The following CACNA2D3 variants were observed in gnomAD, a reference collection of about 807,000 sequenced individuals.
The protein encoded by CACNA2D3 is calcium voltage-gated channel auxiliary subunit alpha2delta 3.
CACNA2D3 carries 60 observed loss-of-function variants against 160.6 expected under a neutral mutation model. The ratio of observed to expected loss-of-function variants is 0.37; its 90% CI spans 0.30 to 0.46. CACNA2D3 has a LOEUF of 0.46. CACNA2D3 is among the 20% of genes least tolerant of loss of function. The pLI, the probability that CACNA2D3 is intolerant of heterozygous loss-of-function variation, is 1.00. For missense variants in CACNA2D3, 1,205 were observed against 1,365.0 expected, an observed-to-expected ratio of 0.88 and a Z score of 1.85; for synonymous variants, 558 against 492.9, an observed-to-expected ratio of 1.13 and a Z score of -1.75.
intron 2 of CACNA2D3, among the ~76,000 whole-genome samples, chr3:54,199,363 A>G (rs1315740050): frequency 6.6e-6 from 1 of 151,810 alleles, no homozygotes; most frequent in Non-Finnish European, 1.5e-5. Flanking sequence ...CTCTTTTTAA[A>G]AATTTTATTT....
At chr3:54,229,512 T>C (rs1701732703) in intron 2 of CACNA2D3, among the ~76,000 whole-genome samples, 1 of 152,058 alleles carries the variant, frequency 6.6e-6, no homozygotes, top group Non-Finnish European at 1.5e-5. Flanking sequence ...ATTTTTTATT[T>C]TTAGTAGAGA....
At chr3:54,717,475 C>G (rs1207894910) in intron 11 of CACNA2D3, among the ~76,000 whole-genome samples, 1 of 152,010 alleles carries the variant, frequency 6.6e-6, no homozygotes, top group Non-Finnish European at 1.5e-5. Flanking sequence ...CCCAAATGTT[C>G]TTAATTTTCA....
chr3:54,483,726 C>T (rs1339876862), intron 4 of CACNA2D3, among the ~76,000 whole-genome samples: 1 of 152,098 alleles, frequency 6.6e-6, no homozygotes, highest in Non-Finnish European at 1.5e-5. Context: ...GTTGCAAAAC[C>T]CATAAGGAAT....
At chr3:54,551,501 A>G (rs943800137) in intron 5 of CACNA2D3, among the ~76,000 whole-genome samples, 33 of 152,180 alleles carry the variant, frequency 2.2e-4, no homozygotes, top group African/African-American at 7.7e-4. Context: ...AAAGGGAACA[A>G]TCAGACGATG....
intron 3 of CACNA2D3, among the ~76,000 whole-genome samples, chr3:54,339,430 G>A (rs990677183): frequency 1.3e-5 from 2 of 151,936 alleles, no homozygotes; most frequent in Non-Finnish European, 2.9e-5. Context: ...CCGCTGTTAC[G>A]CTATCATTTT....
chr3:54,454,043 A>G (rs1210462036), intron 4 of CACNA2D3, among the ~76,000 whole-genome samples: 1 of 152,152 alleles, frequency 6.6e-6, no homozygotes, highest in African/African-American at 2.4e-5. Flanking sequence ...CTAATTTGTT[A>G]GGTGGAAAGG....
At chr3:54,808,868 G>C (rs1295947018) in intron 13 of CACNA2D3, among the ~76,000 whole-genome samples, 2 of 152,118 alleles carry the variant, frequency 1.3e-5, no homozygotes, top group East Asian at 3.9e-4. Context: ...CATGAGGTTG[G>C]TGATTACTGT....
chr3:54,473,586 G>T (rs1377549400), intron 4 of CACNA2D3, among the ~76,000 whole-genome samples: 1 of 152,130 alleles, frequency 6.6e-6, no homozygotes, highest in Admixed American at 6.6e-5. Flanking sequence ...TACCATCAGA[G>T]TGAACAGGCA....
At chr3:54,711,736 AAT>A (rs1235387804) in intron 11 of CACNA2D3, among the ~76,000 whole-genome samples, 1 of 152,220 alleles carries the variant, frequency 6.6e-6, no homozygotes, top group African/African-American at 2.4e-5. Context: ...AAAAAGGAGA[AAT>A]AGGGATGATG....
At chr3:54,156,039 T>C (rs1014782264) in intron 2 of CACNA2D3, among the ~76,000 whole-genome samples, 1 of 152,220 alleles carries the variant, frequency 6.6e-6, no homozygotes, top group Admixed American at 6.5e-5. Context: ...GCCTGGTTTA[T>C]GTGCAAATGT....
At chr3:54,271,291 A>G (rs1000247129) in intron 2 of CACNA2D3, among the ~76,000 whole-genome samples, 13 of 151,890 alleles carry the variant, frequency 8.6e-5, no homozygotes, top group Admixed American at 5.9e-4. Context: ...CCTTCCGCTC[A>G]CAGACCTTGC....
At chr3:54,824,754 C>T (rs1006105505) in intron 14 of CACNA2D3, among the ~76,000 whole-genome samples, 13 of 152,114 alleles carry the variant, frequency 8.5e-5, no homozygotes, top group Admixed American at 2.6e-4. Flanking sequence ...CTGCTCAGGG[C>T]CCATCCACGC....
chr3:55,026,061 G>T (rs1266410090), intron 35 of CACNA2D3, among the ~76,000 whole-genome samples: 3 of 152,018 alleles, frequency 2.0e-5, no homozygotes, highest in Non-Finnish European at 4.4e-5. Context: ...CAGCACCCTG[G>T]TTAGGAAGTG....
At chr3:54,388,089 G>T (rs1699220129) in intron 4 of CACNA2D3, among the ~76,000 whole-genome samples, 1 of 152,164 alleles carries the variant, frequency 6.6e-6, no homozygotes, top group African/African-American at 2.4e-5. Context: ...TATACTCGGG[G>T]TTAAGTGAAA....
intron 2 of CACNA2D3, among the ~76,000 whole-genome samples, chr3:54,130,880 G>A (rs1241417992): frequency 6.6e-6 from 1 of 152,182 alleles, no homozygotes; most frequent in Admixed American, 6.5e-5. Flanking sequence ...GAGTCAGATG[G>A]GCTTGGATTT....
intron 13 of CACNA2D3, among the ~76,000 whole-genome samples, chr3:54,789,225 C>T (rs934735670): frequency 5.9e-5 from 9 of 152,188 alleles, no homozygotes; most frequent in African/African-American, 2.2e-4. Context: ...AAAACTGAGG[C>T]ATTGAATAAT....
At chr3:54,315,635 G>T (rs910227194) in intron 2 of CACNA2D3, among the ~76,000 whole-genome samples, 2 of 152,158 alleles carry the variant, frequency 1.3e-5, no homozygotes, top group African/African-American at 4.8e-5. Context: ...GACCTTCAAT[G>T]CTGGTTGACC....
At chr3:54,795,395 T>G (rs957072371) in intron 13 of CACNA2D3, among the ~76,000 whole-genome samples, 6 of 147,304 alleles carry the variant, frequency 4.1e-5, no homozygotes, top group Non-Finnish European at 9.3e-5. Context: ...ACCTATTGAT[T>G]GTTTTACCAC....
chr3:54,333,531 C>T (rs1214711937), intron 3 of CACNA2D3, among the ~76,000 whole-genome samples: 1 of 151,994 alleles, frequency 6.6e-6, no homozygotes, highest in African/African-American at 2.4e-5. Flanking sequence ...GAGATGGCTC[C>T]TTTGTTGCCT....
Sources: allele counts gnomAD v4.1 joint callset (sites outside exome capture counted in the v4.1 genomes callset), GRCh38; gene constraint gnomAD v4.1.1; transcripts MANE v1.5; gene names NCBI Gene and HGNC (gene_info 2026-07-23, HGNC 2026-07-21).